TFEB: variants seen among roughly 807,000 people sequenced by gnomAD.
TFEB encodes transcription factor EB.
A neutral mutation model predicts 48.0 loss-of-function variants in TFEB; 12 were observed. That is an observed-to-expected ratio of 0.25 (90% CI 0.16 to 0.40). The LOEUF (loss-of-function observed/expected upper bound fraction) is 0.40. Among genes scored for constraint, TFEB ranks in the 10% least tolerant of loss-of-function variants. The pLI, the probability that TFEB is intolerant of heterozygous loss-of-function variation, is 1.00. For synonymous variants in TFEB, 244 were observed against 261.4 expected (o/e 0.93, Z 0.64); for missense variants, 509 against 640.3 (o/e 0.79, Z 2.21).
intron 3 of TFEB, 67 bp from the exon 4 acceptor site, chr6:41,689,878 G>A (rs1769206600): frequency 3.1e-6 from 4 of 1,275,086 alleles, no homozygotes; most frequent in Non-Finnish European, 4.5e-6. Context: ...GAGGCATTGG[G>A]ACAACCACTG....
chr6:41,687,562 T>G (rs1404382285), intron 6 of TFEB, 191 bp downstream of exon 6: 6 of 713,882 alleles, frequency 8.4e-6, no homozygotes, highest in Non-Finnish European at 1.5e-5. Context: ...TAAAGAGGCC[T>G]AGTGGAAAGA....
chr6:41,694,663 C>A (rs559347895), intron 1 of TFEB, among the ~76,000 whole-genome samples: 1 of 152,232 alleles, frequency 6.6e-6, no homozygotes, highest in Non-Finnish European at 1.5e-5. Context: ...CCCCTGACAC[C>A]CAGTCTAGCC....
rs1251788879 is a variant in TFEB, at chr6:41,695,136, T to C, written c.-22-3901A>G. 5.3e-5 allele frequency among the ~76,000 whole-genome samples: 8 copies of C among 152,370 alleles called. No homozygotes were observed. The East Asian group carries it at 1.3e-3, about 26-fold the overall frequency. ...AGAAAGCTACTTCACCTCTCTGTGC[T>C]AGGCTGTCTTCCTCTCTAAAACGCA... On this transcript the variant is annotated intron_variant, in intron 1 of 8. Coordinates refer to ENST00000373033, the MANE Select transcript of TFEB (RefSeq NM_001271944.2).
chr6:41,735,016 T>A, intron 1 of TFEB: 1 of 985,326 alleles, frequency 1.0e-6, no homozygotes, highest in Non-Finnish European at 1.2e-6. Context: ...CTCCCGCCCC[T>A]TCGACTCCCA....
intron 1 of TFEB, among the ~76,000 whole-genome samples, chr6:41,712,763 C>T (rs905128688): frequency 1.3e-5 from 2 of 152,110 alleles, no homozygotes; most frequent in African/African-American, 2.4e-5. Flanking sequence ...CCCAGCGTTA[C>T]TCTGGAGTGG....
intron 1 of TFEB, among the ~76,000 whole-genome samples, chr6:41,698,510 C>T (rs2127454533): frequency 6.6e-6 from 1 of 152,310 alleles, no homozygotes; most frequent in East Asian, 1.9e-4. Flanking sequence ...GAGATAATTT[C>T]CTGTATTCCC....
chr6:41,689,028 C>T (rs935793801), intron 4 of TFEB, among the ~76,000 whole-genome samples: 12 of 152,212 alleles, frequency 7.9e-5, no homozygotes, highest in Admixed American at 4.6e-4. Context: ...AGAGCTTGCC[C>T]TCAATTTCTT....
At chr6:41,696,550 C>G (rs974976108) in intron 1 of TFEB, among the ~76,000 whole-genome samples, 1 of 151,900 alleles carries the variant, frequency 6.6e-6, no homozygotes, top group Non-Finnish European at 1.5e-5. Context: ...AAAAATTAGC[C>G]GGGCGTGGTG....
chr6:41,687,580 A>G, intron 6 of TFEB, 173 bp downstream of exon 6: 1 of 779,152 alleles, frequency 1.3e-6, no homozygotes, highest in Non-Finnish European at 2.2e-6. Flanking sequence ...AGACAGCACT[A>G]ATAGTCCCAG....
intron 1 of TFEB, among the ~76,000 whole-genome samples, chr6:41,719,554 C>T (rs745941424): frequency 5.3e-5 from 8 of 152,186 alleles, no homozygotes; most frequent in Non-Finnish European, 8.8e-5. Context: ...TGTCACACAA[C>T]TGAGGAGACT....
At chr6:41,722,498 G>T (rs1771024203) in intron 1 of TFEB, among the ~76,000 whole-genome samples, 1 of 152,220 alleles carries the variant, frequency 6.6e-6, no homozygotes, top group African/African-American at 2.4e-5. Context: ...CCCACCTGTG[G>T]GCTGAGTGGA....
rs1770913151 is a variant in TFEB at position 41,720,075 on chromosome 6, C to T, written c.-23+15275G>A. Reference sequence around the variant, plus strand: ...CCACATTCTACTGTGGGAGCTCATGCCTGAGCCTCTGGGCTCTGTGCTCAG... The same window carrying T: ...CCACATTCTACTGTGGGAGCTCATGTCTGAGCCTCTGGGCTCTGTGCTCAG... On this transcript the variant is annotated intron_variant, in intron 1 of 8. Transcript: ENST00000373033. The surrounding 1 kb of genome is among the most constrained non-coding windows in gnomAD (Gnocchi z 4.1). Among the ~76,000 whole-genome samples, 1 of 152,204 alleles carries T rather than the reference C, an allele frequency of 6.6e-6. No homozygotes were observed. Among genetic ancestry groups the T allele is most frequent in the South Asian group, 2.1e-4 (1 of 4,828 alleles).
chr6:41,698,860 G>A (rs374340782), intron 1 of TFEB, among the ~76,000 whole-genome samples: 13 of 152,226 alleles, frequency 8.5e-5, no homozygotes, highest in African/African-American at 3.1e-4. Context: ...AGGCAGCAGA[G>A]GAAGTCCTGA....
At chr6:41,693,818 G>A (rs1421610005) in intron 1 of TFEB, among the ~76,000 whole-genome samples, 1 of 152,124 alleles carries the variant, frequency 6.6e-6, no homozygotes, top group Non-Finnish European at 1.5e-5. Context: ...CACAGCTGCA[G>A]CCTCCACCCA....
rs1769368723 is a variant in TFEB at position 41,692,523 on chromosome 6, C to T, written c.-22-1288G>A. Among the ~76,000 whole-genome samples, 2 of 152,204 alleles carry T rather than the reference C, an allele frequency of 1.3e-5. 1 individual carries two copies. Among genetic ancestry groups the T allele is most frequent in the South Asian group, 4.1e-4 (2 of 4,824 alleles). Reference sequence around the variant, plus strand: ...ACATCAGCCCTAATCTCCTACAGGTCTCAGTGGGACAGGTGTGACTTAAGC... The same window carrying T: ...ACATCAGCCCTAATCTCCTACAGGTTTCAGTGGGACAGGTGTGACTTAAGC... On this transcript the variant is annotated intron_variant, in intron 1 of 8. Coordinates refer to ENST00000373033, the MANE Select transcript of TFEB (RefSeq NM_001271944.2).
chr6:41,684,566 G>A lies in TFEB; in HGVS notation c.*33C>T, dbSNP rs375242945. 4.2e-5 allele frequency: 63 copies of A among 1,507,072 alleles called. No individual in the cohort carries two copies. Among genetic ancestry groups the A allele is most frequent in the Non-Finnish European group, 5.0e-5 (56 of 1,129,056 alleles). The allele number at this position is 1,507,072 out of a possible 1,614,324, so 93.4% of individuals were successfully genotyped here. On this transcript the variant is annotated 3_prime_UTR_variant, in exon 9 of 9. Coordinates refer to ENST00000373033, the MANE Select transcript of TFEB (RefSeq NM_001271944.2). ...CCCTGGCCCTCCCAGCCCCCAGGCC[G>A]GCCCCTGTTCCCTGGCACAGGGGCA...
chr6:41,714,228 TGC>T (rs1770630318), intron 1 of TFEB, among the ~76,000 whole-genome samples: 2 of 152,040 alleles, frequency 1.3e-5, no homozygotes, highest in Non-Finnish European at 2.9e-5. Flanking sequence ...TCTGTGTGTG[TGC>T]GTGTGTGTAT....
At chr6:41,686,324 G>A in intron 7 of TFEB, 87 bp from the exon 8 acceptor site, 1 of 1,554,230 alleles carries the variant, frequency 6.4e-7, no homozygotes. Context: ...GAGCTTATGT[G>A]GCCTGTCCCA....
intron 1 of TFEB, among the ~76,000 whole-genome samples, chr6:41,710,964 A>G (rs546961307): frequency 1.7e-4 from 26 of 152,388 alleles, no homozygotes; most frequent in Non-Finnish European, 3.7e-4. Flanking sequence ...ACAAGGATGA[A>G]TAAGACAGCC....
Sources: gnomAD v4.1 joint callset for allele counts (sites outside exome capture counted in the v4.1 genomes callset) on GRCh38, gnomAD v4.1.1 for gene constraint, Gnocchi (gnomAD v3.1) non-coding constraint, MANE v1.5 for transcripts, NCBI Gene and HGNC (gene_info 2026-07-23, HGNC 2026-07-21) for gene names.